NFRKB: variants seen among roughly 807,000 people sequenced by gnomAD.
NFRKB encodes nuclear factor related to kappaB binding protein.
Under a neutral mutation model 135.7 loss-of-function variants are expected in NFRKB, and 62 were observed. That is an observed-to-expected ratio of 0.46 (90% CI 0.37 to 0.56). The LOEUF (loss-of-function observed/expected upper bound fraction) is 0.56. Ranked by LOEUF, NFRKB falls within the 20% of genes least tolerant of loss-of-function variation. The pLI is 0.00. For synonymous variants in NFRKB, 678 were observed against 635.6 expected (o/e 1.07, Z -1.00); for missense variants, 1,545 against 1,662.0 (o/e 0.93, Z 1.22).
chr11:129,875,228 T>C, intron 18 of NFRKB, 129 bp downstream of exon 18: 1 of 839,792 alleles, frequency 1.2e-6, no homozygotes, highest in Non-Finnish European at 1.8e-6. Flanking sequence ...TTTTGATCAC[T>C]ATGCATTTTT....
intron 2 of NFRKB, 45 bp from the exon 3 acceptor site, chr11:129,892,915 G>C: frequency 1.2e-6 from 2 of 1,613,056 alleles, no homozygotes; most frequent in Non-Finnish European, 1.7e-6. Flanking sequence ...AGAAATTCCA[G>C]GGATCTAGTT....
intron 24 of NFRKB, among the ~76,000 whole-genome samples, chr11:129,867,059 A>G (rs1948226877): frequency 6.6e-6 from 1 of 152,192 alleles, no homozygotes; most frequent in African/African-American, 2.4e-5. Context: ...TGCTTAAAAC[A>G]TCTCAGACCA....
In NFRKB at chr11:129,883,109, C is replaced by A. The variant is rs751149501; in HGVS notation, c.901+13G>T. The A allele has an allele frequency of 1.2e-6, 2 of 1,613,332 alleles. No individual in the cohort carries two copies. Among genetic ancestry groups the A allele is most frequent in the South Asian group, 1.1e-5 (1 of 91,046 alleles). ...AGTCAGATGAAGGCTCCTAGAGGGG[C>A]CCAGTCATTTACCTGCCAGAGAGCC... is the stretch of plus-strand genomic sequence containing the variant. On this transcript the variant is annotated intron_variant, in intron 9 of 26. Transcript: ENST00000682444.
At chr11:129,868,567 T>A (rs1212630563) in intron 24 of NFRKB, among the ~76,000 whole-genome samples, 1 of 152,120 alleles carries the variant, frequency 6.6e-6, no homozygotes, top group Admixed American at 6.6e-5. Context: ...ACTAGCACTC[T>A]CCGCTTCAGA....
In NFRKB at chr11:129,872,901, G is replaced by T; in HGVS notation, c.2746C>A (p.Gln916Lys). The change falls in exon 23 of 27, where the codon CAG becomes AAG. Residue 916 changes from glutamine to lysine, a missense_variant. Physicochemically the swap from Gln to Lys is moderately conservative, Grantham distance 53. Around this residue, in one of 3 missense-constraint regions of NFRKB, gnomAD observed 753 missense variants for 804.3 expected, o/e 0.94. Coordinates refer to ENST00000682444, the MANE Select transcript of NFRKB (RefSeq NM_001143835.2). ...CCACCTACCTGCTTGATGATGTTCT[G>T]TCCTGTGACATTTTGAATGACGGCA... ...TAAVIQNVTG[Q>K]NIIKQVAITG... 3 of 1,611,674 alleles carry T rather than the reference G, an allele frequency of 1.9e-6. No homozygotes were observed. Among genetic ancestry groups the T allele is most frequent in the Non-Finnish European group, 2.5e-6 (3 of 1,178,336 alleles).
At chr11:129,885,901 C>T (rs998358733) in intron 5 of NFRKB, among the ~76,000 whole-genome samples, 12 of 152,176 alleles carry the variant, frequency 7.9e-5, no homozygotes, top group African/African-American at 2.7e-4. Context: ...ATCCAAACAG[C>T]TTTGCCTCTA....
At chr11:129,886,767 G>A (rs1380138310) in intron 4 of NFRKB, among the ~76,000 whole-genome samples, 2 of 152,122 alleles carry the variant, frequency 1.3e-5, no homozygotes, top group African/African-American at 4.8e-5. Context: ...CTTACCAGAC[G>A]ACCATACTGT....
At position 129,886,307 on chromosome 11, in the gene NFRKB, C is replaced by T; in HGVS notation, c.465+10G>A. On this transcript the variant is annotated intron_variant, in intron 5 of 26. Transcript: ENST00000682444. ...CCCACATTTTATATCCAGTTCCCAG[C>T]ACTACTTACACTCCGGGAAGCAAGA... 6.2e-7 allele frequency: 1 copy of T among 1,613,252 alleles called. No individual in the cohort carries two copies. Among genetic ancestry groups the T allele is most frequent in the East Asian group, 2.2e-5 (1 of 44,856 alleles).
rs1163604512 is a variant in NFRKB at position 129,874,869 on chromosome 11, T to C, written c.1902A>G (p.Lys634=). 6.2e-7 allele frequency: 1 copy of C among 1,614,066 alleles called. No individual in the cohort carries two copies. Among genetic ancestry groups the C allele is most frequent in the East Asian group, 2.2e-5 (1 of 44,902 alleles). The change falls in exon 19 of 27, where the codon AAA becomes AAG. Residue 634 remains lysine (K), a synonymous_variant. Coordinates refer to ENST00000682444, the MANE Select transcript of NFRKB (RefSeq NM_001143835.2). The surrounding 1 kb of genome is among the most constrained non-coding windows in gnomAD (Gnocchi z 4.5). ...SGALDRLHYE[K]DPCVKYDIGR... ...CAATGTCGTATTTCACACAGGGATC[T>C]TTTTCGTAATGTAGCCGATCCAGTG...
chr11:129,870,556 T>C (rs1222880332), intron 23 of NFRKB, among the ~76,000 whole-genome samples: 1 of 152,196 alleles, frequency 6.6e-6, no homozygotes, highest in Non-Finnish European at 1.5e-5. Context: ...AGTATCTCTG[T>C]ATACATCAAT....
At chr11:129,876,651 T>C in intron 17 of NFRKB, 70 bp downstream of exon 17, 1 of 1,546,814 alleles carries the variant, frequency 6.5e-7, no homozygotes, top group East Asian at 2.3e-5. Flanking sequence ...GAGGACAGAG[T>C]TCAGAGTTGG....
chr11:129,873,543 A>C (rs1948617852), intron 22 of NFRKB, among the ~76,000 whole-genome samples: 1 of 152,212 alleles, frequency 6.6e-6, no homozygotes, highest in African/African-American at 2.4e-5. Flanking sequence ...TGCTCTGAAG[A>C]TCTGATTCCC....
intron 10 of NFRKB, 114 bp from the exon 11 acceptor site, chr11:129,882,308 A>C: frequency 2.2e-6 from 3 of 1,341,600 alleles, no homozygotes; most frequent in African/African-American, 1.5e-5. Context: ...GGAGCAAACA[A>C]TATATTTTCC....
At chr11:129,882,398 C>CTA in intron 10 of NFRKB, 53 bp downstream of exon 10, 2 of 1,593,196 alleles carry the variant, frequency 1.3e-6, no homozygotes, top group East Asian at 4.5e-5. Flanking sequence ...AGGGCACAGC[C>CTA]TATGGCTTAC....
intron 24 of NFRKB, 43 bp downstream of exon 24, chr11:129,869,450 GT>G: frequency 1.3e-6 from 2 of 1,529,716 alleles, no homozygotes; most frequent in Non-Finnish European, 1.7e-6. Flanking sequence ...CCTTGATTAA[GT>G]TTTCTAAAAA....
At position 129,869,559 on chromosome 11, in the gene NFRKB, T is replaced by G; in HGVS notation, c.3466A>C (p.Ser1156Arg). 1 of 1,614,150 alleles carries G rather than the reference T, an allele frequency of 6.2e-7. No homozygotes were observed. Among genetic ancestry groups the G allele is most frequent in the African/African-American group, 1.3e-5 (1 of 75,054 alleles). Residue 1156 changes from serine to arginine, a missense_variant, in exon 24 of 27, where the codon AGC (serine) becomes CGC (arginine). By Grantham distance (110) the Ser-to-Arg change is moderately radical. Transcript: ENST00000682444. ...SGAASTPISISTGAPTVRQVP... is the reference protein window; with the variant it reads ...SGAASTPISIRTGAPTVRQVP... Reference sequence around the variant, plus strand: ...TGCCGCACGGTGGGGGCTCCTGTGCTGATGCTGATGGGGGTGCTTGCAGCC... The same window carrying G: ...TGCCGCACGGTGGGGGCTCCTGTGCGGATGCTGATGGGGGTGCTTGCAGCC...
At chr11:129,876,274 CTTG>C (rs1200178253) in intron 17 of NFRKB, among the ~76,000 whole-genome samples, 1 of 152,188 alleles carries the variant, frequency 6.6e-6, no homozygotes, top group East Asian at 1.9e-4. Context: ...GCACCATAAA[CTTG>C]TTTTAACATT....
intron 4 of NFRKB, among the ~76,000 whole-genome samples, chr11:129,887,960 G>A (rs540590887): frequency 3.5e-4 from 53 of 152,244 alleles, no homozygotes; most frequent in Admixed American, 2.7e-3. Context: ...TGGCGTGAAC[G>A]CGGGAGGCAG....
chr11:129,893,339 A>G, intron 2 of NFRKB: 1 of 443,440 alleles, frequency 2.3e-6, no homozygotes, highest in South Asian at 1.6e-5. Context: ...GTCCCCTTGA[A>G]TCCATGAGTT....
Sources: allele counts gnomAD v4.1 joint callset (sites outside exome capture counted in the v4.1 genomes callset), GRCh38; gene constraint gnomAD v4.1.1; regional missense constraint gnomAD v4.1.1; non-coding constraint Gnocchi (gnomAD v3.1); transcripts MANE v1.5; gene names NCBI Gene and HGNC (gene_info 2026-07-23, HGNC 2026-07-21).